Variants in RGS13 observed in about 807,000 individuals in gnomAD.
RGS13 encodes regulator of G-protein signalling 13.
A neutral mutation model predicts 19.9 loss-of-function variants in RGS13; 14 were observed. That is an observed-to-expected ratio of 0.70 (90% CI 0.46 to 1.10). The LOEUF is 1.10. Among genes scored for constraint, RGS13 ranks in the 50% least tolerant of loss-of-function variants. RGS13 has a pLI of 0.00. For missense variants in RGS13, 205 were observed against 187.1 expected (o/e 1.10, Z -0.56); for synonymous variants, 60 against 56.8 (o/e 1.06, Z -0.25).
intron 5 of RGS13, 112 bp from the exon 6 acceptor site, chr1:192,658,089 A>G (rs889275647): frequency 1.5e-5 from 10 of 682,324 alleles, no homozygotes; most frequent in Non-Finnish European, 2.5e-5. Flanking sequence ...TAAAATATTT[A>G]CTTGTTAAAT....
chr1:192,652,669 T>C (rs926518617), intron 5 of RGS13, among the ~76,000 whole-genome samples: 3 of 152,042 alleles, frequency 2.0e-5, no homozygotes, highest in Non-Finnish European at 2.9e-5. Flanking sequence ...ACCTGTCGTC[T>C]TTAGTGCTTC....
At chr1:192,658,974 T>C (rs781124824) in intron 6 of RGS13, 13 of 166,546 alleles carry the variant, frequency 7.8e-5, no homozygotes, top group Non-Finnish European at 1.3e-4. Flanking sequence ...GGGAGATAAA[T>C]TTTTAAAAAG....
In RGS13 at chr1:192,659,558, T is replaced by C. The variant is rs776370354; in HGVS notation, c.*35T>C. The C allele has an allele frequency of 1.6e-5, 24 of 1,456,294 alleles. No homozygotes were observed. The highest frequency in any genetic ancestry group is 1.9e-5 in the Non-Finnish European group (20 of 1,060,618). 90.2% of individuals were successfully genotyped at this position (1,456,294 alleles called of 1,614,324 possible). A position where few individuals can be genotyped will look rare whatever the true frequency, so the allele number is the denominator to read the frequency against. On this transcript the variant is annotated 3_prime_UTR_variant, in exon 7 of 7. Coordinates refer to ENST00000391995, the MANE Select transcript of RGS13 (RefSeq NM_002927.5). The stretch of plus-strand genomic sequence containing the variant: ...AAAAGTTTAAATAGAAAACAGTATA[T>C]TGAAAGTGGTGGGTTTGATCTTTTT...
intron 4 of RGS13, chr1:192,644,628 T>C: frequency 2.3e-6 from 1 of 437,934 alleles, no homozygotes; most frequent in Admixed American, 4.0e-5. Flanking sequence ...TTAGAATCTA[T>C]TATGAATAGT....
intron 5 of RGS13, among the ~76,000 whole-genome samples, chr1:192,657,360 TA>T (rs1283047610): frequency 6.6e-6 from 1 of 152,150 alleles, no homozygotes; most frequent in Non-Finnish European, 1.5e-5. Context: ...AGATTCCAAT[TA>T]ATATGTTAGA....
intron 4 of RGS13, 192 bp downstream of exon 4, chr1:192,644,591 A>G: frequency 1.9e-6 from 1 of 516,192 alleles, no homozygotes; most frequent in South Asian, 3.3e-5. Flanking sequence ...CATGGTTTAC[A>G]CTTGAGAATT....
intron 3 of RGS13, among the ~76,000 whole-genome samples, chr1:192,640,043 C>T (rs1435897430): frequency 6.6e-6 from 1 of 152,068 alleles, no homozygotes; most frequent in East Asian, 1.9e-4. Context: ...TCCAATAGAT[C>T]AAGTGAGAAG....
intron 5 of RGS13, among the ~76,000 whole-genome samples, chr1:192,648,898 G>C (rs4658064): frequency 0.21 from 32,505 of 151,940 alleles, 7,477 homozygotes; most frequent in African/African-American, 0.58. Context: ...GGTTGTCATA[G>C]TCCTGAGGCA....
intron 5 of RGS13, among the ~76,000 whole-genome samples, chr1:192,650,179 A>G (rs974610202): frequency 3.3e-5 from 5 of 152,146 alleles, no homozygotes; most frequent in African/African-American, 7.2e-5. Flanking sequence ...CTGCCTTGCT[A>G]GAATCAGCAA....
intron 3 of RGS13, among the ~76,000 whole-genome samples, chr1:192,641,262 G>GAA (rs1444263182): frequency 7.6e-4 from 66 of 87,320 alleles, no homozygotes; most frequent in African/African-American, 2.3e-3. Flanking sequence ...AGAAAAGAAA[G>GAA]AAAGAAAGAA....
chr1:192,642,787 T>G (rs1438201328), intron 3 of RGS13, among the ~76,000 whole-genome samples: 2 of 152,142 alleles, frequency 1.3e-5, no homozygotes, highest in Non-Finnish European at 2.9e-5. Context: ...TCTAGTTAGG[T>G]TCTCCTCCTA....
In RGS13 at chr1:192,658,259, A is replaced by G. The variant is rs541050160; in HGVS notation, c.186A>G (p.Gln62=). 23 of 1,613,502 alleles carry G rather than the reference A, an allele frequency of 1.4e-5. No homozygotes were observed. Among genetic ancestry groups the G allele is most frequent in the Non-Finnish European group, 1.7e-5 (20 of 1,179,624 alleles). ...LKMEHSDENI[Q]FWMACETYKK... ...TGGAGCACAGTGACGAGAATATTCA[A>G]TTCTGGATGGCATGTGAAACCTATA... Residue 62 remains glutamine, a synonymous_variant, in exon 6 of 7, where the codon CAA becomes CAG. Coordinates refer to ENST00000391995, the MANE Select transcript of RGS13 (RefSeq NM_002927.5).
At chr1:192,651,261 G>C (rs1206122186) in intron 5 of RGS13, among the ~76,000 whole-genome samples, 1 of 152,122 alleles carries the variant, frequency 6.6e-6, no homozygotes, top group East Asian at 1.9e-4. Flanking sequence ...GGAAGGAACA[G>C]TGACCACTAG....
chr1:192,655,714 AT>A (rs1168017554), intron 5 of RGS13, among the ~76,000 whole-genome samples: 10 of 152,094 alleles, frequency 6.6e-5, no homozygotes, highest in Non-Finnish European at 1.3e-4. Flanking sequence ...AATATACCAT[AT>A]TTTTAATAGT....
intron 5 of RGS13, 45 bp from the exon 6 acceptor site, chr1:192,658,155 GT>G: frequency 6.9e-7 from 1 of 1,446,486 alleles, no homozygotes; most frequent in African/African-American, 1.4e-5. Flanking sequence ...GATTTTTTTG[GT>G]GATTTTGACC....
At position 192,636,242 on chromosome 1, in the gene RGS13, A is replaced by C. The variant is rs1663017087; in HGVS notation, c.-191A>C. ...AATGCTGGGTGTCTCACAAAATTTC[A>C]GAACCTGATTTCAAACGGATCATAA... On this transcript the variant is annotated 5_prime_UTR_variant, in exon 1 of 7. Transcript: ENST00000391995. 1 of 152,118 alleles carries C rather than the reference A, an allele frequency of 6.6e-6. No individual in the cohort carries two copies. The highest frequency in any genetic ancestry group is 6.6e-5 in the Admixed American group (1 of 15,238). The allele number at this position is 152,118 out of a possible 1,614,324, so 9.4% of individuals were successfully genotyped here.
Position 192,660,169 on chromosome 1 carries a change from T to C in RGS13, c.*646T>C, listed in dbSNP as rs933538669. The C allele has an allele frequency of 2.0e-5, 3 of 152,120 alleles. No individual in the cohort carries two copies. The highest frequency in any genetic ancestry group is 7.2e-5 in the African/African-American group (3 of 41,464). The allele number at this position is 152,120 out of a possible 1,614,324, so 9.4% of individuals were successfully genotyped here. A position where few individuals can be genotyped will look rare whatever the true frequency, so the allele number is the denominator to read the frequency against. On this transcript the variant is annotated 3_prime_UTR_variant, in exon 7 of 7. Transcript: ENST00000391995. ...TTGCATCTACATTGCTATAAGGATA[T>C]AAAATGTGGTTTCTATATTTTGAGA...
intron 5 of RGS13, among the ~76,000 whole-genome samples, chr1:192,657,084 G>A (rs1663456759): frequency 6.6e-6 from 1 of 151,976 alleles, no homozygotes; most frequent in Non-Finnish European, 1.5e-5. Flanking sequence ...TTGTGGTGAT[G>A]GTTTCTTGGG....
chr1:192,641,920 C>A (rs1663129632), intron 3 of RGS13, among the ~76,000 whole-genome samples: 1 of 152,080 alleles, frequency 6.6e-6, no homozygotes. Flanking sequence ...TCTAATAGTT[C>A]TTCCTCCAAA....
Sources: allele counts gnomAD v4.1 joint callset (sites outside exome capture counted in the v4.1 genomes callset), GRCh38; gene constraint gnomAD v4.1.1; transcripts MANE v1.5; gene names NCBI Gene and HGNC (gene_info 2026-07-23, HGNC 2026-07-21).